DUSP11: variants seen among roughly 807,000 people sequenced by gnomAD.
DUSP11 encodes the protein RNA/RNP complex-1-interacting phosphatase.
Under a neutral mutation model 41.4 loss-of-function variants are expected in DUSP11, and 27 were observed. The observed-to-expected ratio is 0.65, with a 90% CI of 0.48 to 0.90. The LOEUF (loss-of-function observed/expected upper bound fraction) is 0.90. DUSP11 is among the 40% of genes least tolerant of loss of function. The probability of loss-of-function intolerance (pLI) is 0.00; values close to 1 mark genes in which losing one functional copy is unlikely to be tolerated. For missense variants in DUSP11, 465 were observed against 461.1 expected, an observed-to-expected ratio of 1.01 and a Z score of -0.08; for synonymous variants, 188 against 159.3, an observed-to-expected ratio of 1.18 and a Z score of -1.35.
At chr2:73,767,256 T>C (rs751948878) in intron 5 of DUSP11, 49 bp from the exon 6 acceptor site, 1 of 1,471,492 alleles carries the variant, frequency 6.8e-7, no homozygotes, top group Non-Finnish European at 9.4e-7. Context: ...AAGAAAAAAA[T>C]CAAGTTTTTT....
At chr2:73,775,014 A>T in exon 3 of DUSP11, 4 of 1,612,210 alleles carry the variant, frequency 2.5e-6, no homozygotes, top group Non-Finnish European at 3.4e-6. Flanking sequence ...GGGGAAAAGC[A>T]TTCTTCTGGA....
rs996407613 is a variant in DUSP11 at position 73,773,700 on chromosome 2, T to C, written c.574+100A>G. 3.2e-6 allele frequency: 4 copies of C among 1,233,874 alleles called. No individual in the cohort carries two copies. The African/African-American group carries it at 6.1e-5, about 19-fold the overall frequency. 76.4% of individuals were successfully genotyped at this position (1,233,874 alleles called of 1,614,324 possible). Reference sequence around the variant, plus strand: ...GACATTTTCATCACCTTAGCATCATTAAATACAACAGGTCTGAGGTTGGAA... The same window carrying C: ...GACATTTTCATCACCTTAGCATCATCAAATACAACAGGTCTGAGGTTGGAA... On this transcript the variant is annotated intron_variant, in intron 4 of 8. Coordinates refer to ENST00000272444, the Ensembl canonical transcript of DUSP11.
At chr2:73,775,375 T>C (rs543913289) in intron 2 of DUSP11, among the ~76,000 whole-genome samples, 32 of 149,400 alleles carry the variant, frequency 2.1e-4, no homozygotes, top group East Asian at 3.9e-4. Context: ...CTTTTCTTTT[T>C]TTTTTTTTTT....
chr2:73,778,446 TG>T (rs1672726187), intron 1 of DUSP11, 70 bp from the exon 2 acceptor site: 2 of 1,026,826 alleles, frequency 1.9e-6, no homozygotes, highest in Admixed American at 6.2e-5. Flanking sequence ...TAAGACTTTT[TG>T]AAAATGGGAA....
intron 5 of DUSP11, chr2:73,768,698 T>C (rs1323911450): frequency 4.1e-6 from 4 of 983,682 alleles, no homozygotes; most frequent in Non-Finnish European, 4.8e-6. Flanking sequence ...GGCTCACTCC[T>C]GTAATACCAG....
chr2:73,763,735 T>A (rs956540785), intron 8 of DUSP11, among the ~76,000 whole-genome samples: 1 of 150,200 alleles, frequency 6.7e-6, no homozygotes, highest in African/African-American at 2.5e-5. Context: ...CAAAAAAAAA[T>A]AAAGAAACTT....
chr2:73,768,295 T>G (rs1337664677), intron 5 of DUSP11: 2 of 217,588 alleles, frequency 9.2e-6, no homozygotes, highest in African/African-American at 2.4e-5. Context: ...GTTGGAATTG[T>G]AATTGTATAG....
chr2:73,770,246 G>A (rs914855394), intron 4 of DUSP11, among the ~76,000 whole-genome samples: 13 of 151,918 alleles, frequency 8.6e-5, no homozygotes, highest in Non-Finnish European at 1.5e-4. Flanking sequence ...CGGGCATGGT[G>A]GCTCACGCCT....
At chr2:73,774,495 T>A (rs975707974) in intron 3 of DUSP11, among the ~76,000 whole-genome samples, 9 of 152,186 alleles carry the variant, frequency 5.9e-5, no homozygotes, top group African/African-American at 2.2e-4. Context: ...TACCCAAAAC[T>A]TTTTCATCAT....
chr2:73,767,207 T>C, exon 6 of DUSP11: 1 of 1,611,508 alleles, frequency 6.2e-7, no homozygotes, highest in Admixed American at 1.7e-5. Context: ...CAATCAAATA[T>C]CTAACAAAAC....
chr2:73,778,238 A>T, intron 2 of DUSP11, 63 bp downstream of exon 2: 1 of 1,052,070 alleles, frequency 9.5e-7, no homozygotes, highest in East Asian at 2.7e-5. Context: ...GATAGAGTGG[A>T]GAGCAGTGTT....
At chr2:73,779,339 A>G (rs921360679) in intron 1 of DUSP11, 3 of 163,922 alleles carry the variant, frequency 1.8e-5, no homozygotes, top group Non-Finnish European at 2.7e-5. Context: ...CAAGGAGTAA[A>G]AACAGTTCAA....
chr2:73,779,382 T>A (rs756977142), intron 1 of DUSP11: 2 of 167,714 alleles, frequency 1.2e-5, no homozygotes, highest in Non-Finnish European at 2.6e-5. Flanking sequence ...AAATTAATCA[T>A]TTGTACGTAT....
intron 2 of DUSP11, among the ~76,000 whole-genome samples, chr2:73,775,512 G>A (rs558614381): frequency 2.2e-4 from 33 of 148,868 alleles, no homozygotes; most frequent in Non-Finnish European, 4.2e-4. Flanking sequence ...ACAAGTAGCT[G>A]GGACTACAGG....
rs574875338 is a variant in DUSP11 at position 73,769,979 on chromosome 2, A to C, written c.575-654T>G. On this transcript the variant is annotated intron_variant, in intron 4 of 8. Coordinates refer to ENST00000272444, the Ensembl canonical transcript of DUSP11. ...TTTTAAAAAATTACATGAGGAATTA[A>C]ATAAAAAAAAGTGTAGTTTATCTTT... Among the ~76,000 whole-genome samples the C allele has an allele frequency of 7.9e-5, 12 of 152,342 alleles. No individual in the cohort carries two copies. In the South Asian group the frequency reaches 2.5e-3, roughly 32 times the overall value.
exon 9 of DUSP11, chr2:73,762,460 A>G: frequency 7.8e-6 from 3 of 383,306 alleles, no homozygotes; most frequent in Admixed American, 4.4e-5. Flanking sequence ...TAAGACTGGA[A>G]TAACAGATTG....
At chr2:73,766,991 G>A in intron 6 of DUSP11, 88 bp from the exon 7 acceptor site, 1 of 1,301,542 alleles carries the variant, frequency 7.7e-7, no homozygotes, top group African/African-American at 1.5e-5. Flanking sequence ...CACTATTCAA[G>A]CTGTTATATC....
chr2:73,778,267 T>G lies in DUSP11; in HGVS notation c.318+34A>C, dbSNP rs1447751905. 27 of 1,461,046 alleles carry G rather than the reference T, an allele frequency of 1.8e-5. No homozygotes were observed. The East Asian group carries it at 6.3e-4, about 34-fold the overall frequency. 90.5% of individuals were successfully genotyped at this position (1,461,046 alleles called of 1,614,324 possible). A position where few individuals can be genotyped will look rare whatever the true frequency, so the allele number is the denominator to read the frequency against. On this transcript the variant is annotated intron_variant, in intron 2 of 8. Coordinates refer to ENST00000272444, the Ensembl canonical transcript of DUSP11. ...CAGTGTTCTGCATGGTGAACTCAGA[T>G]GCCTGAAAGAATACTGAATTAACTT...
intron 7 of DUSP11, 27 bp from the exon 8 acceptor site, chr2:73,766,621 A>T (rs780906902): frequency 1.3e-6 from 2 of 1,579,396 alleles, no homozygotes; most frequent in Non-Finnish European, 1.7e-6. Flanking sequence ...TCCACACAAT[A>T]TTACTGGTTT....
Sources: gnomAD v4.1 joint callset for allele counts (sites outside exome capture counted in the v4.1 genomes callset) on GRCh38, gnomAD v4.1.1 for gene constraint, MANE v1.5 for transcripts, NCBI Gene and HGNC (gene_info 2026-07-23, HGNC 2026-07-21) for gene names.